SZT2: variants seen among roughly 807,000 people sequenced by gnomAD.
SZT2 encodes the protein KICSTOR complex protein SZT2.
Under a neutral mutation model 404.2 loss-of-function variants are expected in SZT2, and 216 were observed. The ratio of observed to expected loss-of-function variants is 0.53; its 90% CI spans 0.48 to 0.60. The LOEUF is 0.60. Ranked by LOEUF, SZT2 falls within the 20% of genes least tolerant of loss-of-function variation. SZT2 has a pLI of 0.00. For synonymous variants in SZT2, 1,693 were observed against 1,749.9 expected, an observed-to-expected ratio of 0.97 and a Z score of 0.81; for missense variants, 3,857 against 4,459.2, an observed-to-expected ratio of 0.86 and a Z score of 3.85.
intron 7 of SZT2, among the ~76,000 whole-genome samples, chr1:43,417,951 G>A (rs1199716132): frequency 1.3e-5 from 2 of 152,180 alleles, no homozygotes; most frequent in African/African-American, 4.8e-5. Flanking sequence ...AGAATTTTTG[G>A]AAGAAAATTT....
rs1186980885 is a variant in SZT2, at chr1:43,420,848, C to G, written c.1361C>G (p.Pro454Arg). ...MAPWPLEPEG[P>R]RVTRVEVTME... ...CCCTGGCCCCTGGAGCCTGAGGGCC[C>G]TCGAGTAACACGGGTGGAAGTGACG... is the stretch of plus-strand genomic sequence containing the variant. Residue 454 changes from proline (P) to arginine (R), a missense_variant, in exon 10 of 72, where the codon CCT becomes CGT. Transcript: ENST00000634258. This position sits in a 1 kb window ranked among gnomAD's most constrained non-coding sequence, Gnocchi z 5.1. 2.5e-6 allele frequency: 4 copies of G among 1,598,344 alleles called. No individual in the cohort carries two copies. Among genetic ancestry groups the G allele is most frequent in the Non-Finnish European group, 3.4e-6 (4 of 1,179,820 alleles).
chr1:43,428,240 G>C lies in SZT2; in HGVS notation c.3920G>C (p.Gly1307Ala). ...TCATGGCCCCTTCCACTTCCATCAG[G>C]GCTATTCCGCAGCTTGCAGCAAGCA... ...QEHAQRCYVR[G>A]LFRSLQQAQS... The change falls in exon 28 of 72, where the codon GGG becomes GCG. Residue 1307 changes from glycine (G) to alanine (A), a missense_variant and splice_region_variant. Gly to Ala is a moderately conservative substitution (Grantham distance 60). Around this residue, in one of 7 missense-constraint regions of SZT2, gnomAD observed 1,725 missense variants for 1,881.0 expected, o/e 0.92. Transcript: ENST00000634258. The C allele has an allele frequency of 6.2e-6, 10 of 1,614,164 alleles. No homozygotes were observed. Among genetic ancestry groups the C allele is most frequent in the Non-Finnish European group, 8.5e-6 (10 of 1,180,016 alleles).
Position 43,441,784 on chromosome 1 carries a change from G to A in SZT2, c.7708G>A (p.Gly2570Arg), listed in dbSNP as rs563782968. ...EFTALVTSMA[G>R]DTSVRIFEQH... is the part of the protein sequence containing the mutation. ...CACCGCACTGGTCACCTCAATGGCT[G>A]GAGACACCAGTGTCCGCATCTTTGA... is the stretch of plus-strand genomic sequence containing the variant. Residue 2570 changes from glycine (G) to arginine (R), a missense_variant, in exon 55 of 72, where the codon GGA (glycine) becomes AGA (arginine). Gly to Arg is a moderately radical substitution (Grantham distance 125, BLOSUM62 -2). Transcript: ENST00000634258. This position sits in a 1 kb window ranked among gnomAD's most constrained non-coding sequence, Gnocchi z 4.8. 3.5e-4 allele frequency: 560 copies of A among 1,614,160 alleles called. 6 individuals carry two copies. The South Asian group carries it at 5.9e-3, about 17-fold the overall frequency.
At position 43,427,865 on chromosome 1, in the gene SZT2, A is replaced by G; in HGVS notation, c.3803+131A>G. 7 of 1,350,134 alleles carry G rather than the reference A, an allele frequency of 5.2e-6. No individual in the cohort carries two copies. In the South Asian group the frequency reaches 8.1e-5, roughly 16 times the overall value. The allele number at this position is 1,350,134 out of a possible 1,614,324, so 83.6% of individuals were successfully genotyped here. A position where few individuals can be genotyped will look rare whatever the true frequency, so the allele number is the denominator to read the frequency against. On this transcript the variant is annotated intron_variant, in intron 26 of 71. Transcript: ENST00000634258. The stretch of plus-strand genomic sequence containing the variant: ...GCTGGCTCCTTGCTTGATTTCCCTC[A>G]GCAAACCCTTGAACTTGCTAGGCCA...
chr1:43,391,822 C>CATAAAATAAAA (rs1262407034), intron 1 of SZT2, among the ~76,000 whole-genome samples: 1 of 25,544 alleles, frequency 3.9e-5, no homozygotes, highest in African/African-American at 1.7e-4. Context: ...TGGCTCACGC[C>CATAAAATAAAA]TGTAATCCCA....
chr1:43,394,548 T>C (rs1648766185), intron 1 of SZT2, among the ~76,000 whole-genome samples: 1 of 152,228 alleles, frequency 6.6e-6, no homozygotes. Context: ...AAATTACATC[T>C]TGAAAGTGAA....
rs1652229604 is a variant in SZT2, at chr1:43,420,543, C to T, written c.1262-206C>T. Among the ~76,000 whole-genome samples, 1 of 152,146 alleles carries T rather than the reference C, an allele frequency of 6.6e-6. No homozygotes were observed. Among genetic ancestry groups the T allele is most frequent in the Non-Finnish European group, 1.5e-5 (1 of 68,038 alleles). On this transcript the variant is annotated intron_variant, in intron 9 of 71. Transcript: ENST00000634258. The surrounding 1 kb of genome is among the most constrained non-coding windows in gnomAD (Gnocchi z 5.1). ...GAACCAGCTGAGGGTGGTATAGGGT[C>T]CTGAACTTGGCTTAGTTTTCAGATT...
intron 1 of SZT2, among the ~76,000 whole-genome samples, chr1:43,402,620 A>G (rs768792165): frequency 3.9e-5 from 6 of 152,244 alleles, no homozygotes; most frequent in Admixed American, 6.5e-5. Flanking sequence ...GTGGCCACCT[A>G]TGAGGCAATG....
chr1:43,437,106 T>G lies in SZT2; in HGVS notation c.6035-65T>G. 1.4e-5 allele frequency: 23 copies of G among 1,588,812 alleles called. No individual in the cohort carries two copies. The highest frequency in any genetic ancestry group is 3.4e-5 in the South Asian group (3 of 87,876). On this transcript the variant is annotated intron_variant, in intron 42 of 71. Coordinates refer to ENST00000634258, the MANE Select transcript of SZT2 (RefSeq NM_001365999.1). This position sits in a 1 kb window ranked among gnomAD's most constrained non-coding sequence, Gnocchi z 5.3. ...GAGGACAAGTAGGCCAGTTCCCAGGTGAGAAGTCTGTGGAGGGCAGAGGGT... is the reference window on the plus strand; with the variant it reads ...GAGGACAAGTAGGCCAGTTCCCAGGGGAGAAGTCTGTGGAGGGCAGAGGGT...
chr1:43,408,870 C>G (rs2153930533), intron 4 of SZT2, among the ~76,000 whole-genome samples: 1 of 152,172 alleles, frequency 6.6e-6, no homozygotes, highest in Non-Finnish European at 1.5e-5. Flanking sequence ...ACCCACTTAT[C>G]CAGTTGGGAA....
intron 63 of SZT2, 76 bp from the exon 64 acceptor site, chr1:43,446,103 G>A (rs1655632489): frequency 1.3e-6 from 2 of 1,596,290 alleles, no homozygotes; most frequent in Non-Finnish European, 1.7e-6. Context: ...ATTAAAGTCA[G>A]GGTCCAAGGG....
At chr1:43,397,395 C>T (rs981277928) in intron 1 of SZT2, among the ~76,000 whole-genome samples, 11 of 148,744 alleles carry the variant, frequency 7.4e-5, no homozygotes, top group Non-Finnish European at 1.0e-4. Flanking sequence ...TGCTGCACTC[C>T]AGCCTGGGTG....
At chr1:43,400,080 A>T (rs554528156) in intron 1 of SZT2, among the ~76,000 whole-genome samples, 1 of 152,204 alleles carries the variant, frequency 6.6e-6, no homozygotes, top group Admixed American at 6.5e-5. Context: ...CTAGGACTAC[A>T]GGTGCTCACC....
Position 43,439,055 on chromosome 1 carries a change from C to T in SZT2, c.6754C>T (p.Pro2252Ser). 1 of 1,614,254 alleles carries T rather than the reference C, an allele frequency of 6.2e-7. No individual in the cohort carries two copies. Among genetic ancestry groups the T allele is most frequent in the Non-Finnish European group, 8.5e-7 (1 of 1,180,046 alleles). The change falls in exon 48 of 72, where the codon CCC (proline) becomes TCC (serine). Residue 2252 changes from proline (P) to serine (S), a missense_variant. Coordinates refer to ENST00000634258, the MANE Select transcript of SZT2 (RefSeq NM_001365999.1). This position sits in a 1 kb window ranked among gnomAD's most constrained non-coding sequence, Gnocchi z 4.2. ...GAACTTGCTCATCTTCCTGCACTCT[C>T]CCAAGTACACAGATAGCAACAGCCG... ...RQNLLIFLHS[P>S]KYTDSNSRNH...
rs368527437 is a variant in SZT2, at chr1:43,451,744, G to A, written c.*1264G>A. 7.4e-6 allele frequency: 12 copies of A among 1,613,530 alleles called. No homozygotes were observed. The highest frequency in any genetic ancestry group is 1.0e-5 in the Non-Finnish European group (12 of 1,179,648). The stretch of plus-strand genomic sequence containing the variant: ...TAGGGAAGAGGATACTACATTCCGA[G>A]ACCCCGCAGGCCCCGCCCTCCTTCC... On this transcript the variant is annotated 3_prime_UTR_variant, in exon 72 of 72. Coordinates refer to ENST00000634258, the MANE Select transcript of SZT2 (RefSeq NM_001365999.1).
rs1040800741 is a variant in SZT2 at position 43,452,108 on chromosome 1, C to G, written c.*1628C>G. The G allele has an allele frequency of 2.0e-6, 3 of 1,510,998 alleles. No homozygotes were observed. Among genetic ancestry groups the G allele is most frequent in the African/African-American group, 2.7e-5 (2 of 72,978 alleles). The allele number at this position is 1,510,998 out of a possible 1,614,324, so 93.6% of individuals were successfully genotyped here. Reference sequence around the variant, plus strand: ...CAAGGCCCTCACCTGTTCCTCTGACCTAGGCTGGCAGCCTCACGTGCTGTC... The same window carrying G: ...CAAGGCCCTCACCTGTTCCTCTGACGTAGGCTGGCAGCCTCACGTGCTGTC... On this transcript the variant is annotated 3_prime_UTR_variant, in exon 72 of 72. Transcript: ENST00000634258.
chr1:43,425,089 C>T lies in SZT2; in HGVS notation c.2551-24C>T. ...ATCTCTGCCTTGGCTGGGATTTGCCCAAGATCTCCCATTTTGCCCACAGAA... is the reference window on the plus strand; with the variant it reads ...ATCTCTGCCTTGGCTGGGATTTGCCTAAGATCTCCCATTTTGCCCACAGAA... On this transcript the variant is annotated intron_variant, in intron 17 of 71. Coordinates refer to ENST00000634258, the MANE Select transcript of SZT2 (RefSeq NM_001365999.1). The surrounding 1 kb of genome is among the most constrained non-coding windows in gnomAD (Gnocchi z 4.3). The T allele has an allele frequency of 6.2e-7, 1 of 1,613,820 alleles. No individual in the cohort carries two copies. The highest frequency in any genetic ancestry group is 8.5e-7 in the Non-Finnish European group (1 of 1,179,696).
chr1:43,447,650 C>T lies in SZT2; in HGVS notation c.9392C>T (p.Pro3131Leu). 6.2e-7 allele frequency: 1 copy of T among 1,614,214 alleles called. No individual in the cohort carries two copies. The highest frequency in any genetic ancestry group is 8.5e-7 in the Non-Finnish European group (1 of 1,180,050). ...YHMKPLRMAR[P>L]GGPEHNEYAL... Reference sequence around the variant, plus strand: ...ATGAAGCCATTGCGAATGGCCCGGCCAGGGGGCCCAGAACACAACGAGTAT... The same window carrying T: ...ATGAAGCCATTGCGAATGGCCCGGCTAGGGGGCCCAGAACACAACGAGTAT... The change falls in exon 67 of 72, where the codon CCA (proline) becomes CTA (leucine). Residue 3131 changes from proline to leucine, a missense_variant. Physicochemically the swap from Pro to Leu is moderately conservative, Grantham distance 98. Transcript: ENST00000634258.
Position 43,427,337 on chromosome 1 carries a change from C to T in SZT2, c.3490C>T (p.Pro1164Ser). 1 of 1,614,000 alleles carries T rather than the reference C, an allele frequency of 6.2e-7. No homozygotes were observed. The change falls in exon 25 of 72, where the codon CCT (proline) becomes TCT (serine). Residue 1164 changes from proline to serine, a missense_variant. This residue lies in a region of SZT2 where 1,725 missense variants were observed against 1,881.0 expected (regional missense o/e 0.92). Transcript: ENST00000634258. ...GGGACCCCCTCAAGAGGAGACAAAG[C>T]CTAAGTTTGGGGATTGGAGTGGGGC... ...LEGPPQEETK[P>S]KFGDWSGAPS...
Sources: allele counts gnomAD v4.1 joint callset (sites outside exome capture counted in the v4.1 genomes callset), GRCh38; gene constraint gnomAD v4.1.1; regional missense constraint gnomAD v4.1.1; non-coding constraint Gnocchi (gnomAD v3.1); transcripts MANE v1.5; gene names NCBI Gene and HGNC (gene_info 2026-07-23, HGNC 2026-07-21).